The following CDH23 variants were observed in gnomAD, a reference collection of about 807,000 sequenced individuals.
CDH23 encodes cadherin related 23.
Under a neutral mutation model 317.1 loss-of-function variants are expected in CDH23, and 189 were observed. The ratio of observed to expected loss-of-function variants is 0.60; its 90% CI spans 0.53 to 0.67. The LOEUF is 0.67. Ranked by LOEUF, CDH23 falls within the 30% of genes least tolerant of loss-of-function variation. The probability of loss-of-function intolerance (pLI) is 0.00; values close to 1 mark genes in which losing one functional copy is unlikely to be tolerated. For synonymous variants in CDH23, 1,839 were observed against 1,876.8 expected (o/e 0.98, Z 0.52); for missense variants, 4,401 against 4,592.4 (o/e 0.96, Z 1.20).
chr10:71,781,222 A>C (rs908450131), intron 41 of CDH23, among the ~76,000 whole-genome samples: 1 of 152,128 alleles, frequency 6.6e-6, no homozygotes, highest in African/African-American at 2.4e-5. Context: ...CTGGGGGAAA[A>C]AACAACAACC....
intron 3 of CDH23, among the ~76,000 whole-genome samples, chr10:71,504,419 A>C (rs976183529): frequency 6.6e-6 from 1 of 152,242 alleles, no homozygotes; most frequent in South Asian, 2.1e-4. Flanking sequence ...ATAATATTCC[A>C]TTGGCTGTAT....
rs150102490 is a variant in CDH23 at position 71,733,394 on chromosome 10, C to G, written c.4105-846C>G. Among the ~76,000 whole-genome samples the G allele has an allele frequency of 1.3e-3, 202 of 152,296 alleles. 5 individuals are homozygous for G. Among genetic ancestry groups the G allele is most frequent in the African/African-American group, 4.6e-3 (191 of 41,552 alleles). Reference sequence around the variant, plus strand: ...GATCAATTATTAACTGAATCTCCAGCCTCTGTCCTCTTCCTGGAAAGTAAA... The same window carrying G: ...GATCAATTATTAACTGAATCTCCAGGCTCTGTCCTCTTCCTGGAAAGTAAA... On this transcript the variant is annotated intron_variant, in intron 32 of 69. Transcript: ENST00000224721.
chr10:71,753,127 C>T (rs371997814), intron 38 of CDH23: 310 of 1,129,746 alleles, frequency 2.7e-4, no homozygotes, highest in Non-Finnish European at 3.4e-4. Flanking sequence ...TGCACAGCTC[C>T]GGACTCCATT....
At chr10:71,698,676 T>A (rs146398543) in intron 22 of CDH23, among the ~76,000 whole-genome samples, 1 of 152,344 alleles carries the variant, frequency 6.6e-6, no homozygotes, top group East Asian at 1.9e-4. Context: ...TTCTGTTTCA[T>A]CTGTCCCAGC....
At chr10:71,530,357 C>T (rs1855302444) in intron 6 of CDH23, among the ~76,000 whole-genome samples, 1 of 152,200 alleles carries the variant, frequency 6.6e-6, no homozygotes, top group Admixed American at 6.5e-5. Flanking sequence ...CCTGCCGGTG[C>T]CCACAGTGGG....
At chr10:71,759,377 C>T (rs891819899) in intron 38 of CDH23, among the ~76,000 whole-genome samples, 2 of 151,958 alleles carry the variant, frequency 1.3e-5, no homozygotes, top group African/African-American at 2.4e-5. Context: ...CATGGTGATG[C>T]GTGCCTGTAG....
rs116956100 is a variant in CDH23, at chr10:71,772,592, C to T, written c.4846-5088C>T. 1.6e-4 allele frequency among the ~76,000 whole-genome samples: 24 copies of T among 152,338 alleles called. No individual in the cohort carries two copies. In the East Asian group the frequency reaches 4.6e-3, roughly 29 times the overall value. On this transcript the variant is annotated intron_variant, in intron 38 of 69. Coordinates refer to ENST00000224721, the MANE Select transcript of CDH23 (RefSeq NM_022124.6). ...TTTGGAAGGGGAAAATGGTGCTTCCCTGTGTGGGCTTCTGTGTTTGAGCTG... is the reference window on the plus strand; with the variant it reads ...TTTGGAAGGGGAAAATGGTGCTTCCTTGTGTGGGCTTCTGTGTTTGAGCTG...
intron 39 of CDH23, 44 bp from the exon 40 acceptor site, chr10:71,778,145 T>C (rs747538100): frequency 2.0e-5 from 32 of 1,611,148 alleles, no homozygotes; most frequent in Non-Finnish European, 2.6e-5. Flanking sequence ...GCTGCAGACC[T>C]ACCACCCCTA....
intron 38 of CDH23, among the ~76,000 whole-genome samples, chr10:71,775,604 GC>G (rs1180920017): frequency 2.6e-5 from 4 of 152,216 alleles, no homozygotes; most frequent in Admixed American, 2.6e-4. Flanking sequence ...AGCTGAGAGG[GC>G]CTTTGGAGCA....
chr10:71,446,536 G>A (rs999274149), intron 3 of CDH23, 141 bp downstream of exon 3: 1 of 779,878 alleles, frequency 1.3e-6, no homozygotes, highest in Admixed American at 2.1e-5. Context: ...GCCCCTGCTA[G>A]GATGCCTCCA....
chr10:71,496,196 A>G (rs1366164964), intron 3 of CDH23, among the ~76,000 whole-genome samples: 1 of 152,268 alleles, frequency 6.6e-6, no homozygotes, highest in Non-Finnish European at 1.5e-5. Context: ...GGGCCTGGGC[A>G]TCCTTATTTT....
At chr10:71,624,954 A>C (rs1861643532) in intron 11 of CDH23, among the ~76,000 whole-genome samples, 1 of 151,970 alleles carries the variant, frequency 6.6e-6, no homozygotes, top group Non-Finnish European at 1.5e-5. Flanking sequence ...CAGTTTTCCA[A>C]ACTCTGATAA....
chr10:71,529,688 G>C (rs1247072876), intron 6 of CDH23, among the ~76,000 whole-genome samples: 1 of 152,104 alleles, frequency 6.6e-6, no homozygotes, highest in Non-Finnish European at 1.5e-5. Context: ...AGGGAAACTA[G>C]AGTGTATCAC....
chr10:71,692,267 G>A (rs1865211357), intron 20 of CDH23, among the ~76,000 whole-genome samples: 1 of 152,166 alleles, frequency 6.6e-6, no homozygotes, highest in Admixed American at 6.5e-5. Flanking sequence ...GTAGCTCCCT[G>A]GCCTTTTAGC....
intron 3 of CDH23, among the ~76,000 whole-genome samples, chr10:71,505,993 A>G (rs187690629): frequency 2.0e-5 from 3 of 152,364 alleles, no homozygotes; most frequent in Non-Finnish European, 4.4e-5. Context: ...AATAGCTGTC[A>G]ACTGATCAAT....
chr10:71,810,384 G>A, intron 61 of CDH23, 88 bp from the exon 62 acceptor site: 1 of 1,208,164 alleles, frequency 8.3e-7, no homozygotes, highest in East Asian at 2.4e-5. Context: ...TTGCAGGGAA[G>A]GGCAGAAGGG....
At chr10:71,583,055 A>G (rs1053885072) in intron 9 of CDH23, among the ~76,000 whole-genome samples, 14 of 152,324 alleles carry the variant, frequency 9.2e-5, no homozygotes, top group African/African-American at 3.4e-4. Context: ...CATCCACTCA[A>G]CGCAGGGTGG....
intron 11 of CDH23, among the ~76,000 whole-genome samples, chr10:71,625,325 T>A (rs968531044): frequency 6.1e-5 from 9 of 147,934 alleles, no homozygotes; most frequent in Non-Finnish European, 8.9e-5. Flanking sequence ...GTTCATTTAT[T>A]TGAGGGGCAT....
At chr10:71,447,928 C>T (rs1220061254) in intron 3 of CDH23, among the ~76,000 whole-genome samples, 1 of 152,208 alleles carries the variant, frequency 6.6e-6, no homozygotes, top group Non-Finnish European at 1.5e-5. Flanking sequence ...TGTGTCTAGG[C>T]AGATGGATGT....
Sources: gnomAD v4.1 joint callset for allele counts (sites outside exome capture counted in the v4.1 genomes callset) on GRCh38, gnomAD v4.1.1 for gene constraint, MANE v1.5 for transcripts, NCBI Gene and HGNC (gene_info 2026-07-23, HGNC 2026-07-21) for gene names.